Variants in STAG3 observed in about 807,000 individuals in gnomAD.
STAG3 encodes the protein STAG3 cohesin complex component, also known as cohesin subunit SA-3.
In STAG3, 101 loss-of-function variants were observed where a neutral mutation model predicts 160.7. The ratio of observed to expected loss-of-function variants is 0.63; its 90% confidence interval spans 0.54 to 0.74. STAG3 has a LOEUF of 0.74. STAG3 is among the 30% of genes least tolerant of loss of function. STAG3 has a pLI of 0.00. For synonymous variants in STAG3, 519 were observed against 585.0 expected (o/e 0.89, Z 1.63); for missense variants, 1,188 against 1,517.4 (o/e 0.78, Z 3.61).
At position 100,202,344 on chromosome 7, in the gene STAG3, C is replaced by T. The variant is rs775643405; in HGVS notation, c.2563+4C>T. 1.9e-6 allele frequency: 3 copies of T among 1,613,840 alleles called. No homozygotes were observed. The highest frequency in any genetic ancestry group is 1.3e-5 in the African/African-American group (1 of 75,004). On this transcript the variant is annotated splice_donor_region_variant and intron_variant, in intron 24 of 33. Transcript: ENST00000615138. ...CAGCCGGGAGACCTGGGCAGTGGTG[C>T]AGTGACTCTATACCTGGGGCTCAGT...
chr7:100,211,687 C>A, intron 31 of STAG3, 108 bp from the exon 32 acceptor site: 1 of 1,405,790 alleles, frequency 7.1e-7, no homozygotes, highest in Non-Finnish European at 9.9e-7. Flanking sequence ...CGGGAAACTA[C>A]TATGCTGTAC....
At chr7:100,214,463 TA>T (rs1362637583), downstream of STAG3, 48 of 207,792 alleles carry the variant, frequency 2.3e-4, no homozygotes, top group Non-Finnish European at 4.1e-4. Flanking sequence ...GCCCAGCATA[TA>T]GATGTCCCCA....
intron 1 of STAG3, among the ~76,000 whole-genome samples, chr7:100,179,733 CTTAT>C (rs1011303342): frequency 1.3e-5 from 2 of 151,896 alleles, no homozygotes; most frequent in East Asian, 1.9e-4. Flanking sequence ...AGCTCTTTGT[CTTAT>C]TTATTTATTT....
At chr7:100,213,600 C>G (rs375321305) in intron 32 of STAG3, 135 bp from the exon 33 acceptor site, 6 of 1,502,700 alleles carry the variant, frequency 4.0e-6, no homozygotes, top group East Asian at 4.7e-5. Flanking sequence ...ACTGACTTCC[C>G]TCCCAGGAGG....
At chr7:100,205,185 C>T (rs757651899) in intron 28 of STAG3, 42 bp from the exon 29 acceptor site, 2 of 1,613,108 alleles carry the variant, frequency 1.2e-6, no homozygotes, top group South Asian at 2.2e-5. Flanking sequence ...CTGCTGAGGG[C>T]CCAGTAGCCC....
At chr7:100,203,185 CTTTTTTT>C (rs34123265) in intron 25 of STAG3, among the ~76,000 whole-genome samples, 1 of 141,178 alleles carries the variant, frequency 7.1e-6, no homozygotes, top group South Asian at 2.2e-4. Flanking sequence ...CTTTTCTTTT[CTTTTTTT>C]TTTTTTTTCC....
At chr7:100,187,759 C>CTT (rs57544965) in intron 5 of STAG3, among the ~76,000 whole-genome samples, 35 of 136,748 alleles carry the variant, frequency 2.6e-4, no homozygotes, top group African/African-American at 6.5e-4. Flanking sequence ...CCTGCATCAT[C>CTT]TTTTTTTTTT....
chr7:100,196,620 C>T (rs1438649578), intron 9 of STAG3, among the ~76,000 whole-genome samples: 2 of 152,112 alleles, frequency 1.3e-5, no homozygotes, highest in Non-Finnish European at 2.9e-5. Flanking sequence ...GGCAAAACCC[C>T]GTCTCTACTA....
intron 10 of STAG3, 27 bp from the exon 11 acceptor site, chr7:100,197,751 A>G: frequency 6.3e-7 from 1 of 1,584,720 alleles, no homozygotes; most frequent in Non-Finnish European, 8.7e-7. Context: ...TCTTATTTCC[A>G]TTCTCCTGGT....
rs1158222875 is a variant in STAG3, at chr7:100,207,287, A to G, written c.3238+1903A>G. On this transcript the variant is annotated intron_variant, in intron 29 of 33. Coordinates refer to ENST00000615138, the MANE Select transcript of STAG3 (RefSeq NM_001282717.2). This position sits in a 1 kb window ranked among gnomAD's most constrained non-coding sequence, Gnocchi z 4.0. Reference sequence around the variant, plus strand: ...AATTCTATGTTTAAGTTTTTGAGGAACTACCACACTGTTTTCCAAAGTACC... The same window carrying G: ...AATTCTATGTTTAAGTTTTTGAGGAGCTACCACACTGTTTTCCAAAGTACC... Among the ~76,000 whole-genome samples, 1 of 152,174 alleles carries G rather than the reference A, an allele frequency of 6.6e-6. No individual in the cohort carries two copies. Among genetic ancestry groups the G allele is most frequent in the African/African-American group, 2.4e-5 (1 of 41,424 alleles).
intron 4 of STAG3, 82 bp from the exon 5 acceptor site, chr7:100,186,118 T>C: frequency 9.5e-7 from 1 of 1,055,028 alleles, no homozygotes; most frequent in South Asian, 1.3e-5. Context: ...GAAGTTTAGA[T>C]GGTTCAACTG....
At chr7:100,205,786 C>T (rs1374115182) in intron 29 of STAG3, among the ~76,000 whole-genome samples, 5 of 150,512 alleles carry the variant, frequency 3.3e-5, no homozygotes, top group Non-Finnish European at 5.9e-5. Context: ...GCTGAGATTG[C>T]GCGACTGCAC....
In STAG3 at chr7:100,202,220, A is replaced by G. The variant is rs200627159; in HGVS notation, c.2443A>G (p.Ile815Val). ...ACTTCTCATCTTTAGCCCTCAGATG[A>G]TTGTTGGGGGCCGTGATTTCCTTAG... ...DLLLIFSPQM[I>V]VGGRDFLRPL... Residue 815 changes from isoleucine to valine, a missense_variant, in exon 24 of 34, where the codon ATT becomes GTT. Coordinates refer to ENST00000615138, the MANE Select transcript of STAG3 (RefSeq NM_001282717.2). The G allele has an allele frequency of 3.7e-6, 6 of 1,613,888 alleles. No individual in the cohort carries two copies. The highest frequency in any genetic ancestry group is 5.1e-6 in the Non-Finnish European group (6 of 1,179,998).
chr7:100,178,975 C>T (rs1306957482), intron 1 of STAG3, among the ~76,000 whole-genome samples: 1 of 151,722 alleles, frequency 6.6e-6, no homozygotes, highest in East Asian at 1.9e-4. Context: ...ACTACAGGTG[C>T]ACCACCACAC....
chr7:100,192,639 G>A (rs1265248224), intron 8 of STAG3, among the ~76,000 whole-genome samples: 3 of 152,154 alleles, frequency 2.0e-5, no homozygotes, highest in Non-Finnish European at 4.4e-5. Context: ...TGCCTAGACC[G>A]GAATGTACTG....
rs1179476828 is a variant in STAG3 at position 100,207,544 on chromosome 7, C to T, written c.3238+2160C>T. Among the ~76,000 whole-genome samples the T allele has an allele frequency of 6.6e-6, 1 of 152,064 alleles. No individual in the cohort carries two copies. Among genetic ancestry groups the T allele is most frequent in the Non-Finnish European group, 1.5e-5 (1 of 68,020 alleles). ...CTTTGGAGAAATGCCTGTTCTGATC[C>T]TTTAGCTATTTTAAAATAGGGTTGT... On this transcript the variant is annotated intron_variant, in intron 29 of 33. Transcript: ENST00000615138. This position sits in a 1 kb window ranked among gnomAD's most constrained non-coding sequence, Gnocchi z 4.0.
At position 100,182,103 on chromosome 7, in the gene STAG3, T is replaced by A. The variant is rs1799682880; in HGVS notation, c.130T>A (p.Leu44Met). 6.2e-7 allele frequency: 1 copy of A among 1,613,264 alleles called. No homozygotes were observed. Among genetic ancestry groups the A allele is most frequent in the African/African-American group, 1.3e-5 (1 of 74,834 alleles). Residue 44 changes from leucine to methionine, a missense_variant, in exon 3 of 34, where the codon TTG becomes ATG. By Grantham distance (15) the Leu-to-Met change is conservative. Transcript: ENST00000615138. Reference sequence around the variant, plus strand: ...ACTTTCTCACAGGAATGGCGACTCTTTGTTAGCTGATGAAGACACTGACTT... The same window carrying A: ...ACTTTCTCACAGGAATGGCGACTCTATGTTAGCTGATGAAGACACTGACTT... ...NHTSEGNGDS[L>M]LADEDTDFED...
At chr7:100,216,295 G>C (rs1802744158), downstream of STAG3, among the ~76,000 whole-genome samples, 1 of 151,726 alleles carries the variant, frequency 6.6e-6, no homozygotes, top group Admixed American at 6.6e-5. Flanking sequence ...ATTTGTATCA[G>C]TTTTTTAAAA....
At chr7:100,216,964 C>T (rs1011857445), downstream of STAG3, among the ~76,000 whole-genome samples, 5 of 151,994 alleles carry the variant, frequency 3.3e-5, no homozygotes, top group African/African-American at 1.2e-4. Flanking sequence ...TTTCCCGGCA[C>T]AGACAACAGT....
Sources: gnomAD v4.1 joint callset for allele counts (sites outside exome capture counted in the v4.1 genomes callset) on GRCh38, gnomAD v4.1.1 for gene constraint, Gnocchi (gnomAD v3.1) non-coding constraint, MANE v1.5 for transcripts, NCBI Gene and HGNC (gene_info 2026-07-23, HGNC 2026-07-21) for gene names.